The following TRAPPC9 variants were observed in gnomAD, a reference collection of about 807,000 sequenced individuals.
TRAPPC9 encodes the protein trafficking protein particle complex subunit 9.
TRAPPC9 carries 83 observed loss-of-function variants against 124.0 expected under a neutral mutation model. The ratio of observed to expected loss-of-function variants is 0.67; its 90% confidence interval spans 0.56 to 0.80. The LOEUF is 0.80. TRAPPC9 is among the 30% of genes least tolerant of loss of function. The probability of loss-of-function intolerance (pLI) is 0.00; values close to 1 mark genes in which losing one functional copy is unlikely to be tolerated. For missense variants in TRAPPC9, 1,302 were observed against 1,508.3 expected (o/e 0.86, Z 2.27); for synonymous variants, 638 against 617.5 (o/e 1.03, Z -0.49).
chr8:140,134,099 A>G (rs578187012), intron 17 of TRAPPC9, among the ~76,000 whole-genome samples: 62 of 152,326 alleles, frequency 4.1e-4, no homozygotes, highest in African/African-American at 1.5e-3. Flanking sequence ...ACAATATTGA[A>G]AAAAAGAACA....
chr8:139,823,010 C>T (rs1382981080), intron 21 of TRAPPC9, among the ~76,000 whole-genome samples: 1 of 152,184 alleles, frequency 6.6e-6, no homozygotes, highest in African/African-American at 2.4e-5. Context: ...CAGGTGTGTG[C>T]AGCTCTCTGG....
chr8:139,856,946 T>C (rs1355505824), intron 21 of TRAPPC9, among the ~76,000 whole-genome samples: 3 of 152,222 alleles, frequency 2.0e-5, no homozygotes, highest in African/African-American at 4.8e-5. Context: ...GACACAGAGA[T>C]GACTCGGGCA....
intron 5 of TRAPPC9, among the ~76,000 whole-genome samples, chr8:140,418,763 T>C (rs549588776): frequency 3.4e-5 from 5 of 148,910 alleles, no homozygotes; most frequent in South Asian, 4.3e-4. Context: ...GATAGATAGA[T>C]AGATAGATAG....
intron 19 of TRAPPC9, among the ~76,000 whole-genome samples, chr8:139,945,755 G>C (rs914462589): frequency 6.6e-6 from 1 of 152,166 alleles, no homozygotes; most frequent in East Asian, 1.9e-4. Flanking sequence ...GATGTCAAAT[G>C]ACTGAGTGAT....
intron 21 of TRAPPC9, among the ~76,000 whole-genome samples, chr8:139,871,834 G>T (rs1828921930): frequency 2.0e-5 from 3 of 152,218 alleles, no homozygotes; most frequent in African/African-American, 7.2e-5. Flanking sequence ...TGAGCGGATA[G>T]GTGGGTGAAT....
At position 140,182,011 on chromosome 8, in the gene TRAPPC9, G is replaced by C. The variant is rs2062216481; in HGVS notation, c.2556+39448C>G. On this transcript the variant is annotated intron_variant, in intron 17 of 22. Coordinates refer to ENST00000438773, the MANE Select transcript of TRAPPC9 (RefSeq NM_001160372.4). This position sits in a 1 kb window ranked among gnomAD's most constrained non-coding sequence, Gnocchi z 4.0. ...CCAGTCTGGGGACCAGACTTTCCTG[G>C]TCCAATCTGAGGGAAGCCCTTCATG... Among the ~76,000 whole-genome samples, 1 of 152,036 alleles carries C rather than the reference G, an allele frequency of 6.6e-6. No individual in the cohort carries two copies. Among genetic ancestry groups the C allele is most frequent in the Admixed American group, 6.6e-5 (1 of 15,254 alleles).
At chr8:140,454,165 C>T (rs1486570178) in intron 1 of TRAPPC9, among the ~76,000 whole-genome samples, 4 of 151,926 alleles carry the variant, frequency 2.6e-5, no homozygotes, top group African/African-American at 9.7e-5. Context: ...AGCACACACC[C>T]GCAGTCCCAG....
At position 139,988,781 on chromosome 8, in the gene TRAPPC9, T is replaced by C. The variant is rs750813383; in HGVS notation, c.2755A>G (p.Thr919Ala). The stretch of plus-strand genomic sequence containing the variant: ...GCCTCGCTGCTCCTGGTGCTGACGG[T>C]CAGCTCATGCTCGGTGGAGTTGAAG... ...DVFNSTEHEL[T>A]VSTRSSEALI... Residue 919 changes from threonine (T) to alanine (A), a missense_variant, in exon 19 of 23, where the codon ACC becomes GCC. Physicochemically the swap from Thr to Ala is moderately conservative, Grantham distance 58. Transcript: ENST00000438773. 5 of 1,551,510 alleles carry C rather than the reference T, an allele frequency of 3.2e-6. No homozygotes were observed. The South Asian group carries it at 4.8e-5, about 15-fold the overall frequency.
chr8:140,211,585 G>T (rs2063063388), intron 17 of TRAPPC9, among the ~76,000 whole-genome samples: 1 of 152,148 alleles, frequency 6.6e-6, no homozygotes, highest in South Asian at 2.1e-4. Context: ...AAAGTATATA[G>T]AAACTTCATA....
At chr8:139,800,291 C>G (rs1167475291) in intron 21 of TRAPPC9, among the ~76,000 whole-genome samples, 2 of 152,222 alleles carry the variant, frequency 1.3e-5, no homozygotes, top group African/African-American at 4.8e-5. Context: ...GAGAAGCAGT[C>G]AGGCCCAAGA....
chr8:139,853,072 G>A (rs1053839319), intron 21 of TRAPPC9, among the ~76,000 whole-genome samples: 8 of 152,170 alleles, frequency 5.3e-5, no homozygotes, highest in East Asian at 1.9e-4. Flanking sequence ...CCGTGGTGAC[G>A]CCAACACCTG....
At chr8:139,915,826 G>C (rs1271141690) in intron 19 of TRAPPC9, among the ~76,000 whole-genome samples, 3 of 152,214 alleles carry the variant, frequency 2.0e-5, no homozygotes, top group Admixed American at 6.5e-5. Flanking sequence ...TGAGTCACCT[G>C]CGTCTCTTCC....
chr8:140,453,486 G>A (rs1209822508), intron 1 of TRAPPC9, among the ~76,000 whole-genome samples: 2 of 54,668 alleles, frequency 3.7e-5, no homozygotes, highest in Admixed American at 1.6e-4. Flanking sequence ...TGCACGGAGA[G>A]GAGGAGGACT....
chr8:139,846,426 C>T (rs1206698460), intron 21 of TRAPPC9, among the ~76,000 whole-genome samples: 1 of 152,222 alleles, frequency 6.6e-6, no homozygotes, highest in African/African-American at 2.4e-5. Flanking sequence ...GCCTGTGAAA[C>T]GCAGACTCAT....
chr8:140,224,213 T>A (rs1329061529), intron 16 of TRAPPC9, among the ~76,000 whole-genome samples: 2 of 152,054 alleles, frequency 1.3e-5, no homozygotes, highest in Non-Finnish European at 2.9e-5. Flanking sequence ...TTCAGAAGAT[T>A]CTACTCCTCA....
At chr8:140,124,540 A>G (rs996953304) in intron 17 of TRAPPC9, among the ~76,000 whole-genome samples, 1 of 147,190 alleles carries the variant, frequency 6.8e-6, no homozygotes, top group African/African-American at 2.6e-5. Context: ...ACAAGGTCTG[A>G]GCATCGGGAC....
chr8:140,442,861 G>A (rs915255223), intron 2 of TRAPPC9, among the ~76,000 whole-genome samples: 15 of 151,576 alleles, frequency 9.9e-5, no homozygotes, highest in Admixed American at 3.9e-4. Context: ...TGGGCCTGGC[G>A]AGGTGGCTCA....
At chr8:139,752,857 C>G (rs1167024319) in intron 21 of TRAPPC9, among the ~76,000 whole-genome samples, 1 of 151,104 alleles carries the variant, frequency 6.6e-6, no homozygotes, top group Non-Finnish European at 1.5e-5. Flanking sequence ...TCCATCCATC[C>G]ACCCATCCAA....
chr8:140,042,348 A>G (rs1282891564), intron 17 of TRAPPC9, among the ~76,000 whole-genome samples: 1 of 152,212 alleles, frequency 6.6e-6, no homozygotes, highest in Non-Finnish European at 1.5e-5. Context: ...GTTGGGGAAA[A>G]TACTAACAAA....
Sources: gnomAD v4.1 joint callset for allele counts (sites outside exome capture counted in the v4.1 genomes callset) on GRCh38, gnomAD v4.1.1 for gene constraint, Gnocchi (gnomAD v3.1) non-coding constraint, MANE v1.5 for transcripts, NCBI Gene and HGNC (gene_info 2026-07-23, HGNC 2026-07-21) for gene names.